Variants in MYO5B observed in about 807,000 individuals in gnomAD.
The protein encoded by MYO5B is myosin VB, also known as unconventional myosin-Vb.
In MYO5B, 143 loss-of-function variants were observed where a neutral mutation model predicts 229.3. The observed-to-expected ratio is 0.62, with a 90% CI of 0.54 to 0.72. The LOEUF (loss-of-function observed/expected upper bound fraction) is 0.72, where lower values mean the gene tolerates loss of function less well. Ranked by LOEUF, MYO5B falls within the 30% of genes least tolerant of loss-of-function variation. The probability of loss-of-function intolerance (pLI) is 0.00; values close to 1 mark genes in which losing one functional copy is unlikely to be tolerated. For missense variants in MYO5B, 2,321 were observed against 2,331.0 expected (o/e 1.00, Z 0.09); for synonymous variants, 918 against 885.2 (o/e 1.04, Z -0.66).
At chr18:49,917,623 G>A (rs535659972) in intron 17 of MYO5B, among the ~76,000 whole-genome samples, 3 of 152,290 alleles carry the variant, frequency 2.0e-5, no homozygotes, top group East Asian at 3.9e-4. Flanking sequence ...GCCAGGAGGC[G>A]TCTTTTAACC....
intron 1 of MYO5B, among the ~76,000 whole-genome samples, chr18:50,123,218 T>C (rs1330399276): frequency 2.0e-5 from 3 of 152,216 alleles, no homozygotes; most frequent in African/African-American, 4.8e-5. Context: ...CCATTTAATA[T>C]GAAATATCCA....
intron 1 of MYO5B, among the ~76,000 whole-genome samples, chr18:50,163,315 G>A (rs74811752): frequency 0.07 from 10,593 of 152,216 alleles, 492 homozygotes; most frequent in African/African-American, 0.13. Context: ...AGCTCGGCTC[G>A]TTCATGTCAG....
intron 3 of MYO5B, among the ~76,000 whole-genome samples, chr18:50,038,765 G>A (rs1267239395): frequency 6.6e-6 from 1 of 151,922 alleles, no homozygotes; most frequent in Non-Finnish European, 1.5e-5. Flanking sequence ...CATCTTAGAG[G>A]GTATTCCTTT....
At chr18:50,181,563 AG>A (rs2033074274) in intron 1 of MYO5B, among the ~76,000 whole-genome samples, 1 of 152,246 alleles carries the variant, frequency 6.6e-6, no homozygotes, top group Non-Finnish European at 1.5e-5. Flanking sequence ...CACCATAGGG[AG>A]GACTCAAAAG....
At chr18:50,044,788 C>T (rs1280601561) in intron 2 of MYO5B, among the ~76,000 whole-genome samples, 1 of 152,006 alleles carries the variant, frequency 6.6e-6, no homozygotes, top group Non-Finnish European at 1.5e-5. Context: ...CTACACAAGG[C>T]TGAGGATGCC....
chr18:50,136,088 C>T (rs1293744594), intron 1 of MYO5B, among the ~76,000 whole-genome samples: 4 of 152,222 alleles, frequency 2.6e-5, no homozygotes, highest in Admixed American at 6.5e-5. Flanking sequence ...CGGTATCACA[C>T]GTCTGTCACG....
intron 1 of MYO5B, among the ~76,000 whole-genome samples, chr18:50,139,238 G>A (rs565135249): frequency 3.2e-4 from 48 of 152,236 alleles, no homozygotes; most frequent in African/African-American, 9.4e-4. Flanking sequence ...GCAGGGGTGC[G>A]GCCAGGACCC....
intron 29 of MYO5B, among the ~76,000 whole-genome samples, chr18:49,861,281 GGT>G (rs1326618571): frequency 6.6e-6 from 1 of 152,088 alleles, no homozygotes; most frequent in Non-Finnish European, 1.5e-5. Flanking sequence ...ACAAATCCAG[GGT>G]ATTAAGCAGC....
At chr18:50,039,274 G>C (rs1598971950) in intron 3 of MYO5B, among the ~76,000 whole-genome samples, 1 of 152,036 alleles carries the variant, frequency 6.6e-6, no homozygotes, top group Admixed American at 6.6e-5. Flanking sequence ...TCTTTAAAAA[G>C]AGAGAGAGAG....
intron 1 of MYO5B, among the ~76,000 whole-genome samples, chr18:50,136,679 G>T (rs1459546437): frequency 2.0e-5 from 3 of 152,128 alleles, no homozygotes; most frequent in Non-Finnish European, 4.4e-5. Flanking sequence ...AGGGTCTAAG[G>T]CATCTGGGTT....
At chr18:50,083,883 A>G (rs2031272643) in intron 1 of MYO5B, among the ~76,000 whole-genome samples, 1 of 152,212 alleles carries the variant, frequency 6.6e-6, no homozygotes, top group Non-Finnish European at 1.5e-5. Flanking sequence ...GAAGGTTTGC[A>G]GTTAAATGCA....
chr18:49,934,801 A>G (rs2025231289), intron 16 of MYO5B, among the ~76,000 whole-genome samples: 1 of 152,198 alleles, frequency 6.6e-6, no homozygotes, highest in Non-Finnish European at 1.5e-5. Flanking sequence ...TTCCACACAG[A>G]GCCCATCTGA....
chr18:50,122,881 T>TGCTGCA (rs1193035597), intron 1 of MYO5B, among the ~76,000 whole-genome samples: 1 of 152,166 alleles, frequency 6.6e-6, no homozygotes, highest in Non-Finnish European at 1.5e-5. Flanking sequence ...GAATGTAAAA[T>TGCTGCA]GCTGCAGCTG....
intron 1 of MYO5B, among the ~76,000 whole-genome samples, chr18:50,160,430 G>C (rs182891186): frequency 6.6e-6 from 1 of 152,178 alleles, no homozygotes; most frequent in African/African-American, 2.4e-5. Flanking sequence ...GGGTTCTGTG[G>C]ACCAGTTAAT....
At chr18:49,845,841 G>A (rs967075642) in intron 33 of MYO5B, among the ~76,000 whole-genome samples, 8 of 152,190 alleles carry the variant, frequency 5.3e-5, no homozygotes, top group South Asian at 2.1e-4. Context: ...GAGCTGGTAC[G>A]ACTGGCAAAG....
intron 1 of MYO5B, among the ~76,000 whole-genome samples, chr18:50,136,432 T>C (rs2032338094): frequency 6.8e-6 from 1 of 146,546 alleles, no homozygotes; most frequent in Non-Finnish European, 1.5e-5. Flanking sequence ...TATTACCAGG[T>C]GATGATACAA....
chr18:50,002,122 T>C (rs1238536095), intron 4 of MYO5B, among the ~76,000 whole-genome samples: 1 of 152,136 alleles, frequency 6.6e-6, no homozygotes, highest in Non-Finnish European at 1.5e-5. Flanking sequence ...CTTGTGTCAC[T>C]GTATACATTA....
At chr18:50,093,413 G>A (rs1217060575) in intron 1 of MYO5B, among the ~76,000 whole-genome samples, 1 of 152,144 alleles carries the variant, frequency 6.6e-6, no homozygotes, top group Non-Finnish European at 1.5e-5. Context: ...TAATATGGAT[G>A]TTAACTGTAG....
At chr18:50,035,010 A>G (rs1051940581) in intron 4 of MYO5B, among the ~76,000 whole-genome samples, 2 of 152,150 alleles carry the variant, frequency 1.3e-5, no homozygotes, top group Non-Finnish European at 2.9e-5. Flanking sequence ...TATCACACCC[A>G]TCACCCCAGA....
Sources: allele counts gnomAD v4.1 joint callset (sites outside exome capture counted in the v4.1 genomes callset), GRCh38; gene constraint gnomAD v4.1.1; transcripts MANE v1.5; gene names NCBI Gene and HGNC (gene_info 2026-07-23, HGNC 2026-07-21).